The following RGS6 variants were observed in gnomAD, a reference collection of about 807,000 sequenced individuals.
RGS6 encodes the protein regulator of G protein signaling 6.
Under a neutral mutation model 78.5 loss-of-function variants are expected in RGS6, and 30 were observed. The observed-to-expected ratio is 0.38, with a 90% CI of 0.29 to 0.52. RGS6 has a LOEUF of 0.52. RGS6 is among the 20% of genes least tolerant of loss of function. The pLI is 0.85. For missense variants in RGS6, 495 were observed against 609.7 expected, an observed-to-expected ratio of 0.81 and a Z score of 1.98; for synonymous variants, 206 against 206.0, an observed-to-expected ratio of 1.00 and a Z score of 0.00.
chr14:72,430,238 G>A (rs897112493), intron 3 of RGS6, among the ~76,000 whole-genome samples: 6 of 152,000 alleles, frequency 3.9e-5, no homozygotes, highest in East Asian at 1.9e-4. Context: ...CATCCACTTC[G>A]CTCACACGTG....
At chr14:72,402,719 A>G (rs11621747) in intron 3 of RGS6, among the ~76,000 whole-genome samples, 37,086 of 151,588 alleles carry the variant, frequency 0.24, 5,528 homozygotes, top group South Asian at 0.41. Context: ...CTAAAATAGA[A>G]CTACCATACA....
intron 1 of RGS6, among the ~76,000 whole-genome samples, chr14:71,944,496 A>G (rs967026612): frequency 2.6e-5 from 4 of 152,194 alleles, no homozygotes; most frequent in African/African-American, 9.7e-5. Context: ...TATTGGAGAG[A>G]TGATAGGAAT....
At chr14:72,300,779 A>C (rs550792979) in intron 2 of RGS6, among the ~76,000 whole-genome samples, 2 of 152,312 alleles carry the variant, frequency 1.3e-5, no homozygotes, top group Non-Finnish European at 2.9e-5. Flanking sequence ...ATGTTTGTCA[A>C]AAGGAGCTGA....
At chr14:72,339,184 T>TG (rs1595976751) in intron 2 of RGS6, among the ~76,000 whole-genome samples, 1 of 151,916 alleles carries the variant, frequency 6.6e-6, no homozygotes, top group Non-Finnish European at 1.5e-5. Flanking sequence ...TGTTAAGGGG[T>TG]GGGGCCCTTG....
At chr14:72,619,134 A>C in the RGS6 span, among the ~76,000 whole-genome samples, 3,688 of 152,302 alleles carry the variant, frequency 0.024, 145 homozygotes, top group African/African-American at 0.084. Flanking sequence ...GGAGGTCAGG[A>C]GATGCCTCAC....
At chr14:72,567,826 T>C (rs898256753), downstream of RGS6, among the ~76,000 whole-genome samples, 3 of 152,186 alleles carry the variant, frequency 2.0e-5, no homozygotes, top group Non-Finnish European at 4.4e-5. Flanking sequence ...TCCGCCACCC[T>C]TCCTTCACAG....
At position 72,135,617 on chromosome 14, in the gene RGS6, C is replaced by CT. The variant is rs144337428; in HGVS notation, c.84+170752dup. Reference sequence around the variant, plus strand: ...ATTGTATTCTGAGTAGCCTAATATTCTTTTTTTTTTCCTGCTAAACTTCTT... The same window carrying CT: ...ATTGTATTCTGAGTAGCCTAATATTCTTTTTTTTTTTCCTGCTAAACTTCTT... On this transcript the variant is annotated intron_variant, in intron 2 of 17. Coordinates refer to ENST00000553525, the MANE Select transcript of RGS6 (RefSeq NM_001204424.2). Among the ~76,000 whole-genome samples, 1,068 of 149,632 alleles carry CT rather than the reference C, an allele frequency of 7.1e-3. 33 individuals are homozygous for CT. Among genetic ancestry groups the CT allele is most frequent in the Admixed American group, 0.061 (913 of 14,964 alleles).
intron 2 of RGS6, among the ~76,000 whole-genome samples, chr14:72,206,617 A>C (rs2042773408): frequency 6.6e-6 from 1 of 152,260 alleles, no homozygotes; most frequent in African/African-American, 2.4e-5. Flanking sequence ...AGGAGGAGCA[A>C]GTCACTTCTT....
At chr14:72,077,215 T>G (rs1239150488) in intron 2 of RGS6, among the ~76,000 whole-genome samples, 1 of 152,040 alleles carries the variant, frequency 6.6e-6, no homozygotes, top group Non-Finnish European at 1.5e-5. Context: ...TTGAACACCT[T>G]TCCATATCTT....
intron 15 of RGS6, among the ~76,000 whole-genome samples, chr14:72,533,256 A>G (rs1235198591): frequency 6.6e-6 from 1 of 152,210 alleles, no homozygotes; most frequent in Non-Finnish European, 1.5e-5. Flanking sequence ...ATGGCAGCAC[A>G]TCTGTTTGCG....
chr14:71,932,106 G>C (rs1161140189), upstream of RGS6, among the ~76,000 whole-genome samples: 1 of 152,208 alleles, frequency 6.6e-6, no homozygotes, highest in African/African-American at 2.4e-5. Flanking sequence ...TGGAATTGAC[G>C]AAAGCAGCCT....
intron 2 of RGS6, among the ~76,000 whole-genome samples, chr14:72,317,765 C>A (rs2070729322): frequency 6.6e-6 from 1 of 152,052 alleles, no homozygotes; most frequent in Admixed American, 6.6e-5. Flanking sequence ...TCCCAGTTTC[C>A]TCTTGAAAAT....
chr14:72,113,297 C>T (rs540481966), intron 2 of RGS6, among the ~76,000 whole-genome samples: 164 of 152,274 alleles, frequency 1.1e-3, no homozygotes, highest in African/African-American at 3.9e-3. Context: ...CCTTTTTCCT[C>T]ATGTAGGAAG....
chr14:71,949,930 A>G (rs529970105), intron 1 of RGS6, among the ~76,000 whole-genome samples: 43 of 151,812 alleles, frequency 2.8e-4, no homozygotes, highest in Non-Finnish European at 5.6e-4. Context: ...TTATTGAAAA[A>G]TCTCTTCATT....
chr14:72,209,477 T>G (rs2043521692), intron 2 of RGS6, among the ~76,000 whole-genome samples: 1 of 152,166 alleles, frequency 6.6e-6, no homozygotes, highest in African/African-American at 2.4e-5. Flanking sequence ...AGTAAAACAT[T>G]TAAATTCAAA....
chr14:71,889,633 C>T, the RGS6 span, among the ~76,000 whole-genome samples: 1 of 152,126 alleles, frequency 6.6e-6, no homozygotes. Flanking sequence ...ACGCACTTTG[C>T]AGGGCGTAAG....
intron 2 of RGS6, among the ~76,000 whole-genome samples, chr14:72,144,836 T>C (rs988781398): frequency 5.3e-5 from 8 of 151,794 alleles, no homozygotes; most frequent in Admixed American, 3.3e-4. Context: ...GACAGGGGAA[T>C]TGCAGTGAAG....
At chr14:72,174,685 AGC>A (rs1307710687) in intron 2 of RGS6, among the ~76,000 whole-genome samples, 1 of 152,098 alleles carries the variant, frequency 6.6e-6, no homozygotes, top group African/African-American at 2.4e-5. Context: ...ACCTCCTGCA[AGC>A]TAGGAGCCTC....
the RGS6 span, among the ~76,000 whole-genome samples, chr14:71,875,399 C>G: frequency 1.3e-5 from 2 of 152,222 alleles, no homozygotes; most frequent in African/African-American, 4.8e-5. Context: ...GGGAATTTAT[C>G]CATTTCTTCT....
Sources: gnomAD v4.1 joint callset for allele counts (sites outside exome capture counted in the v4.1 genomes callset) on GRCh38, gnomAD v4.1.1 for gene constraint, MANE v1.5 for transcripts, NCBI Gene and HGNC (gene_info 2026-07-23, HGNC 2026-07-21) for gene names.